Variants in BMPR1A observed in about 807,000 individuals in gnomAD.
The protein encoded by BMPR1A is bone morphogenetic protein receptor type 1A.
BMPR1A carries 7 observed loss-of-function variants against 66.0 expected under a neutral mutation model. That is an observed-to-expected ratio of 0.11 (90% CI 0.06 to 0.20). The LOEUF (loss-of-function observed/expected upper bound fraction) is 0.20, where lower values mean the gene tolerates loss of function less well. Ranked by LOEUF, BMPR1A falls within the 10% of genes least tolerant of loss-of-function variation. BMPR1A has a pLI of 1.00. For synonymous variants in BMPR1A, 200 were observed against 229.7 expected (o/e 0.87, Z 1.17); for missense variants, 408 against 669.1 (o/e 0.61, Z 4.31).
At chr10:86,810,336 A>C (rs1016874348) in intron 1 of BMPR1A, among the ~76,000 whole-genome samples, 5 of 152,118 alleles carry the variant, frequency 3.3e-5, no homozygotes, top group Admixed American at 1.3e-4. Context: ...TTGATAAGGC[A>C]TTTGGGTTAT....
rs371816720 is a variant in BMPR1A at position 86,902,752 on chromosome 10, C to A, written c.530+2626C>A. On this transcript the variant is annotated intron_variant, in intron 7 of 12. Transcript: ENST00000372037. ...ACCTTCTTCTCCCTGAACAGAGTTT[C>A]GGGTTGGGCATCACAGGGGGAACCC... 5.9e-5 allele frequency among the ~76,000 whole-genome samples: 9 copies of A among 152,294 alleles called. No homozygotes were observed. In the East Asian group the frequency reaches 1.2e-3, roughly 20 times the overall value.
At chr10:86,930,048 C>G (rs1843792956), downstream of BMPR1A, 1 of 152,262 alleles carries the variant, frequency 6.6e-6, no homozygotes, top group Admixed American at 6.5e-5. Context: ...ACAGTCTTGA[C>G]TGGGTGGACA....
chr10:86,781,845 AT>A (rs1225619316), intron 1 of BMPR1A, among the ~76,000 whole-genome samples: 2 of 143,432 alleles, frequency 1.4e-5, no homozygotes, highest in African/African-American at 2.6e-5. Context: ...TTTGTAGCAT[AT>A]GACAGGATTT....
intron 1 of BMPR1A, among the ~76,000 whole-genome samples, chr10:86,835,750 G>A (rs1023939271): frequency 2.0e-5 from 3 of 151,930 alleles, no homozygotes; most frequent in African/African-American, 7.3e-5. Context: ...CATGGGTAGT[G>A]AGCTTTAAAG....
At chr10:86,850,226 C>T (rs1014854139) in intron 2 of BMPR1A, among the ~76,000 whole-genome samples, 1 of 151,546 alleles carries the variant, frequency 6.6e-6, no homozygotes, top group African/African-American at 2.4e-5. Context: ...GAGGCTGAGG[C>T]AGGAGAATGG....
At chr10:86,777,692 T>G (rs78588631) in intron 1 of BMPR1A, among the ~76,000 whole-genome samples, 1 of 152,164 alleles carries the variant, frequency 6.6e-6, no homozygotes, top group Non-Finnish European at 1.5e-5. Context: ...ACTTTTTTTT[T>G]GTTCTCTGCA....
chr10:86,766,826 T>C lies in BMPR1A; in HGVS notation c.-268+9907T>C, dbSNP rs1022435177. ...GGTTTCACCGTGTTAGCCAGGATGG[T>C]TTTTTTTTTTTTTTTGGAGACCGAG... On this transcript the variant is annotated intron_variant, in intron 1 of 12. Coordinates refer to ENST00000372037, the MANE Select transcript of BMPR1A (RefSeq NM_004329.3). 5.7e-3 allele frequency among the ~76,000 whole-genome samples: 618 copies of C among 108,838 alleles called. 7 individuals are homozygous for C. Among genetic ancestry groups the C allele is most frequent in the African/African-American group, 0.026 (584 of 22,664 alleles). 71.4% of individuals were successfully genotyped at this position (108,838 alleles called of 152,430 possible).
rs530255285 is a variant in BMPR1A at position 86,909,603 on chromosome 10, A to G, written c.531-2637A>G. Among the ~76,000 whole-genome samples the G allele has an allele frequency of 2.0e-5, 3 of 151,948 alleles. No individual in the cohort carries two copies. In the East Asian group the frequency reaches 5.8e-4, roughly 29 times the overall value. On this transcript the variant is annotated intron_variant, in intron 7 of 12. Coordinates refer to ENST00000372037, the MANE Select transcript of BMPR1A (RefSeq NM_004329.3). Reference sequence around the variant, plus strand: ...CCCTATCTCAAAAAAAAAAAAGAAAAAAAAGAAAAAAGAATTAGGTAAATA... The same window carrying G: ...CCCTATCTCAAAAAAAAAAAAGAAAGAAAAGAAAAAAGAATTAGGTAAATA...
intron 2 of BMPR1A, among the ~76,000 whole-genome samples, chr10:86,852,045 C>G (rs1397418845): frequency 6.6e-6 from 1 of 151,788 alleles, no homozygotes; most frequent in Non-Finnish European, 1.5e-5. Flanking sequence ...GATCACATCA[C>G]TGCAGTCCAG....
At chr10:86,796,938 A>G (rs1198229180) in intron 1 of BMPR1A, among the ~76,000 whole-genome samples, 3 of 151,904 alleles carry the variant, frequency 2.0e-5, no homozygotes, top group Non-Finnish European at 4.4e-5. Context: ...TTTAGCTCTC[A>G]TGCTTTAGTT....
intron 2 of BMPR1A, among the ~76,000 whole-genome samples, chr10:86,853,998 G>A (rs1482026328): frequency 1.3e-5 from 2 of 152,124 alleles, no homozygotes; most frequent in South Asian, 2.1e-4. Flanking sequence ...GCCTGGGAGC[G>A]CTATGGGAGA....
chr10:86,857,162 A>G lies in BMPR1A; in HGVS notation c.-153+18183A>G, dbSNP rs1195721358. ...TTCAGTGTTCTCTCCTTTCTTCCTT[A>G]GAGGCTTGGCTAGCTCAAACCCCAT... On this transcript the variant is annotated intron_variant, in intron 2 of 12. Coordinates refer to ENST00000372037, the MANE Select transcript of BMPR1A (RefSeq NM_004329.3). 2.0e-5 allele frequency among the ~76,000 whole-genome samples: 3 copies of G among 152,172 alleles called. No individual in the cohort carries two copies. The East Asian group carries it at 5.8e-4, about 29-fold the overall frequency.
At chr10:86,786,294 G>A (rs375574560) in intron 1 of BMPR1A, among the ~76,000 whole-genome samples, 4 of 151,908 alleles carry the variant, frequency 2.6e-5, no homozygotes, top group African/African-American at 7.3e-5. Context: ...CCTTCTAACC[G>A]TTGTTCATTT....
intron 7 of BMPR1A, among the ~76,000 whole-genome samples, chr10:86,906,787 T>C (rs957413575): frequency 6.0e-5 from 9 of 150,888 alleles, no homozygotes; most frequent in African/African-American, 1.9e-4. Context: ...ATCTGTCTCT[T>C]CTGTTTTTGA....
chr10:86,848,290 C>A (rs1564702425), intron 2 of BMPR1A, among the ~76,000 whole-genome samples: 1 of 151,906 alleles, frequency 6.6e-6, no homozygotes, highest in Non-Finnish European at 1.5e-5. Context: ...ATGAGAATAT[C>A]CCTCTCATAA....
At chr10:86,828,936 A>G (rs1179581722) in intron 1 of BMPR1A, among the ~76,000 whole-genome samples, 2 of 152,134 alleles carry the variant, frequency 1.3e-5, no homozygotes, top group Admixed American at 6.5e-5. Flanking sequence ...TTTATGCTTC[A>G]TTGTTGGGAA....
chr10:86,767,765 C>T (rs903209553), intron 1 of BMPR1A, among the ~76,000 whole-genome samples: 2 of 135,506 alleles, frequency 1.5e-5, no homozygotes, highest in African/African-American at 7.4e-5. Context: ...AAAACTAGAT[C>T]CTCCCCCAAA....
intron 1 of BMPR1A, among the ~76,000 whole-genome samples, chr10:86,759,260 T>C (rs1478969896): frequency 6.6e-6 from 1 of 152,238 alleles, no homozygotes; most frequent in African/African-American, 2.4e-5. Flanking sequence ...CTTCTGTTTC[T>C]TCTTTCCTCT....
chr10:86,758,627 C>T (rs1413404257), intron 1 of BMPR1A, among the ~76,000 whole-genome samples: 1 of 152,208 alleles, frequency 6.6e-6, no homozygotes, highest in Non-Finnish European at 1.5e-5. Context: ...AAAAGTAACA[C>T]ATGGTTGTTA....
Sources: allele counts gnomAD v4.1 joint callset (sites outside exome capture counted in the v4.1 genomes callset), GRCh38; gene constraint gnomAD v4.1.1; transcripts MANE v1.5; gene names NCBI Gene and HGNC (gene_info 2026-07-23, HGNC 2026-07-21).